SERPINB4: variants seen among roughly 807,000 people sequenced by gnomAD.
SERPINB4 encodes serpin B4.
In SERPINB4, 39 loss-of-function variants were observed where a neutral mutation model predicts 33.2. That is an observed-to-expected ratio of 1.18 (90% CI 0.91 to 1.53). The LOEUF (loss-of-function observed/expected upper bound fraction) is 1.53, where lower values mean the gene tolerates loss of function less well. Among genes scored for constraint, SERPINB4 ranks in the 40% most tolerant of loss-of-function variants. The pLI, the probability that SERPINB4 is intolerant of heterozygous loss-of-function variation, is 0.00. For synonymous variants in SERPINB4, 191 were observed against 166.4 expected (o/e 1.15, Z -1.14); for missense variants, 564 against 455.4 (o/e 1.24, Z -2.17).
intron 3 of SERPINB4, chr18:63,642,820 A>AT (rs1913180649): frequency 8.5e-6 from 2 of 236,390 alleles, no homozygotes; most frequent in East Asian, 8.8e-5. Context: ...ATTGAGTCAG[A>AT]TTTTTTCTTA....
Position 63,637,935 on chromosome 18 carries a change from C to G in SERPINB4, c.957G>C (p.Trp319Cys), listed in dbSNP as rs1359361019. Residue 319 changes from tryptophan to cysteine, a missense_variant, in exon 8 of 8, where the codon TGG becomes TGC. Transcript: ENST00000341074. ...CTTTAGATACTGAGAGACCGTGGCTCCAGGTCATGCCTGAGAGGTCTGCAT... is the reference window on the plus strand; with the variant it reads ...CTTTAGATACTGAGAGACCGTGGCTGCAGGTCATGCCTGAGAGGTCTGCAT... ...NGDADLSGMT[W>C]SHGLSVSKVL... 2 of 1,613,510 alleles carry G rather than the reference C, an allele frequency of 1.2e-6. No individual in the cohort carries two copies. The highest frequency in any genetic ancestry group is 1.7e-6 in the Non-Finnish European group (2 of 1,179,778).
In SERPINB4 at chr18:63,638,118, T is replaced by G; in HGVS notation, c.774A>C (p.Glu258Asp). 1 of 1,612,508 alleles carries G rather than the reference T, an allele frequency of 6.2e-7. No individual in the cohort carries two copies. Among genetic ancestry groups the G allele is most frequent in the East Asian group, 2.2e-5 (1 of 44,848 alleles). ...PNEIDGLQKL[E>D]EKLTAEKLME... is the part of the protein sequence containing the mutation. ...TCAATTTCTCAGCAGTGAGTTTCTC[T>G]TCAAGCTATACAAATGGAAAAAAGA... Residue 258 changes from glutamate to aspartate, a missense_variant, in exon 8 of 8, where the codon GAA (glutamate) becomes GAC (aspartate). Transcript: ENST00000341074.
Position 63,639,735 on chromosome 18 carries a change from C to A in SERPINB4, c.511G>T (p.Asp171Tyr). Reference sequence around the variant, plus strand: ...GCGTTCACAAGAACCAGTGTCGTATCATTGCCAATAGTCCCATCAGGAAAT... The same window carrying A: ...GCGTTCACAAGAACCAGTGTCGTATAATTGCCAATAGTCCCATCAGGAAAT... ...NLFPDGTIGN[D>Y]TTLVLVNAIY... is the part of the protein sequence containing the mutation. Residue 171 changes from aspartate to tyrosine, a missense_variant, in exon 6 of 8, where the codon GAT becomes TAT. Transcript: ENST00000341074. 2.5e-6 allele frequency: 4 copies of A among 1,611,808 alleles called. No individual in the cohort carries two copies. The highest frequency in any genetic ancestry group is 1.1e-5 in the South Asian group (1 of 90,974).
At chr18:63,643,736 C>G in intron 1 of SERPINB4, 133 bp from the exon 2 acceptor site, 1 of 974,444 alleles carries the variant, frequency 1.0e-6, no homozygotes, top group Non-Finnish European at 1.5e-6. Flanking sequence ...TTATTTTTAA[C>G]GCTTCAATCT....
rs764188105 is a variant in SERPINB4 at position 63,637,835 on chromosome 18, C to T, written c.1057G>A (p.Glu353Lys). The change falls in exon 8 of 8, where the codon GAA becomes AAA. Residue 353 changes from glutamate (E) to lysine (K), a missense_variant. Glu to Lys is a moderately conservative substitution (Grantham distance 56, BLOSUM62 1). Coordinates refer to ENST00000341074, the MANE Select transcript of SERPINB4 (RefSeq NM_002974.4). ...TCATTAGTTGAAGGAGATGATAATT[C>T]GACTACTACTACAGCGGTGGCAGCT... The part of the protein sequence containing the change: ...AAAATAVVVV[E>K]LSSPSTNEEF... The T allele has an allele frequency of 3.8e-5, 62 of 1,613,338 alleles. No individual in the cohort carries two copies. The East Asian group carries it at 9.4e-4, about 24-fold the overall frequency.
intron 7 of SERPINB4, among the ~76,000 whole-genome samples, chr18:63,638,885 A>G (rs527948952): frequency 6.6e-6 from 1 of 151,604 alleles, no homozygotes; most frequent in Non-Finnish European, 1.5e-5. Flanking sequence ...TGGGTGCAGC[A>G]CACCAGCATG....
At chr18:63,643,357 G>T (rs1913201689) in intron 2 of SERPINB4, 56 bp downstream of exon 2, 1 of 1,611,346 alleles carries the variant, frequency 6.2e-7, no homozygotes, top group Non-Finnish European at 8.5e-7. Flanking sequence ...CTGCGTGCTA[G>T]CCGACGGAAC....
chr18:63,643,586 C>T lies in SERPINB4; in HGVS notation c.-9G>A, dbSNP rs764919450. On this transcript the variant is annotated 5_prime_UTR_variant, in exon 2 of 8. Coordinates refer to ENST00000341074, the MANE Select transcript of SERPINB4 (RefSeq NM_002974.4). The stretch of plus-strand genomic sequence containing the variant: ...TCACTGAGTGAATTCATGGTGAACT[C>T]GATGTGATCTGGAACTCCTGGAAAA... The T allele has an allele frequency of 1.6e-5, 26 of 1,612,782 alleles. No homozygotes were observed. Among genetic ancestry groups the T allele is most frequent in the Middle Eastern group, 1.6e-4 (1 of 6,074 alleles).
chr18:63,642,951 T>C, intron 3 of SERPINB4: 2 of 605,740 alleles, frequency 3.3e-6, no homozygotes, highest in Non-Finnish European at 5.8e-6. Flanking sequence ...AGACCTATGC[T>C]CTGAGGTACA....
rs375740120 is a variant in SERPINB4, at chr18:63,637,791, G to A, written c.1101C>T (p.His367=). The A allele has an allele frequency of 1.9e-6, 3 of 1,613,482 alleles. No individual in the cohort carries two copies. The highest frequency in any genetic ancestry group is 2.5e-6 in the Non-Finnish European group (3 of 1,179,650). The part of the protein sequence containing the change: ...PSTNEEFCCN[H]PFLFFIRQNK... ...TTTGCCTTATGAAGAATAGGAAAGG[G>A]TGATTACAACAGAACTCTTCATTAG... Residue 367 remains histidine (H), a synonymous_variant, in exon 8 of 8, where the codon CAC becomes CAT. Coordinates refer to ENST00000341074, the MANE Select transcript of SERPINB4 (RefSeq NM_002974.4).
In SERPINB4 at chr18:63,639,858, G is replaced by A. The variant is rs1455596006; in HGVS notation, c.470-82C>T. 19 of 1,301,414 alleles carry A rather than the reference G, an allele frequency of 1.5e-5. 1 individual carries two copies. The Admixed American group carries it at 3.0e-4, about 21-fold the overall frequency. The allele number at this position is 1,301,414 out of a possible 1,614,324, so 80.6% of individuals were successfully genotyped here. A position where few individuals can be genotyped will look rare whatever the true frequency, so the allele number is the denominator to read the frequency against. ...AGATGCTTTGCAAATGTTCGTGACT[G>A]ATCGTTAATTATTGACCCAAATCCC... On this transcript the variant is annotated intron_variant, in intron 5 of 7. Coordinates refer to ENST00000341074, the MANE Select transcript of SERPINB4 (RefSeq NM_002974.4).
At chr18:63,641,989 A>C in intron 3 of SERPINB4, 101 bp from the exon 4 acceptor site, 1,921 of 1,503,026 alleles carry the variant, frequency 1.3e-3, no homozygotes, top group Non-Finnish European at 1.6e-3. Flanking sequence ...TGGTAGTCTC[A>C]TTGAGGACCT....
chr18:63,639,920 A>G (rs1913071046), intron 5 of SERPINB4, 144 bp from the exon 6 acceptor site: 1 of 762,656 alleles, frequency 1.3e-6, no homozygotes, highest in Non-Finnish European at 2.1e-6. Flanking sequence ...TTGAATTGTT[A>G]GACTCACTGA....
In SERPINB4 at chr18:63,642,943, A is replaced by G. The variant is rs991083280; in HGVS notation, c.222+218T>C. ...CTGAACCCAGCCTATCCTGATCCAG[A>G]CCTATGCTCTGAGGTACAGTGCTGA... On this transcript the variant is annotated intron_variant, in intron 3 of 7. Transcript: ENST00000341074. 1.2e-5 allele frequency: 7 copies of G among 586,808 alleles called. No homozygotes were observed. The Admixed American group carries it at 2.1e-4, about 18-fold the overall frequency. 36.4% of individuals were successfully genotyped at this position (586,808 alleles called of 1,614,324 possible).
rs759766809 is a variant in SERPINB4 at position 63,643,180 on chromosome 18, T to C, written c.203A>G (p.Glu68Gly). Residue 68 changes from glutamate (E) to glycine (G), a missense_variant, in exon 3 of 8, where the codon GAA becomes GGA. Physicochemically the swap from Glu to Gly is moderately conservative, Grantham distance 98 (BLOSUM62 -2). Transcript: ENST00000341074. ...HFDQVTENTT[E>G]KAATYHVDRS... The stretch of plus-strand genomic sequence containing the variant: ...ACTCACATGATATGTTGCAGCTTTT[T>C]CTGTGGTGTTCTCTGTGACTTGATC... 1.3e-4 allele frequency: 213 copies of C among 1,613,040 alleles called. 1 individual carries two copies. The highest frequency in any genetic ancestry group is 4.4e-4 in the South Asian group (40 of 90,930).
intron 4 of SERPINB4, among the ~76,000 whole-genome samples, chr18:63,641,429 A>T (rs975523658): frequency 2.6e-5 from 4 of 152,124 alleles, no homozygotes; most frequent in Middle Eastern, 3.2e-3. Context: ...ATATCCCATT[A>T]GTCATACATT....
intron 4 of SERPINB4, 151 bp from the exon 5 acceptor site, chr18:63,641,142 T>G: frequency 3.1e-6 from 2 of 651,368 alleles, no homozygotes; most frequent in Non-Finnish European, 5.3e-6. Context: ...ACAGGTGTCA[T>G]GTAGGCAATG....
intron 3 of SERPINB4, among the ~76,000 whole-genome samples, chr18:63,642,387 T>C (rs1315249194): frequency 6.6e-6 from 1 of 152,112 alleles, no homozygotes; most frequent in Non-Finnish European, 1.5e-5. Context: ...TCTCTGCACG[T>C]AAGAAGAGTG....
chr18:63,640,853 T>C, intron 5 of SERPINB4, 21 bp downstream of exon 5: 1 of 1,594,318 alleles, frequency 6.3e-7, no homozygotes, highest in South Asian at 1.1e-5. Context: ...AAGGTGTTTC[T>C]ATAATGGGTG....
Sources: gnomAD v4.1 joint callset for allele counts (sites outside exome capture counted in the v4.1 genomes callset) on GRCh38, gnomAD v4.1.1 for gene constraint, MANE v1.5 for transcripts, NCBI Gene and HGNC (gene_info 2026-07-23, HGNC 2026-07-21) for gene names.